Variants in WWOX observed in about 807,000 individuals in gnomAD.
The protein encoded by WWOX is WW domain-containing oxidoreductase.
Under a neutral mutation model 46.2 loss-of-function variants are expected in WWOX, and 69 were observed. The ratio of observed to expected loss-of-function variants is 1.49; its 90% CI spans 1.23 to 1.82. The LOEUF (loss-of-function observed/expected upper bound fraction) is 1.82. Among genes scored for constraint, WWOX ranks in the 40% most tolerant of loss-of-function variants. The pLI is 0.00. For missense variants in WWOX, 919 were observed against 542.6 expected (o/e 1.69, Z -6.89); for synonymous variants, 359 against 202.6 (o/e 1.77, Z -6.56).
intron 6 of WWOX, among the ~76,000 whole-genome samples, chr16:78,389,791 C>T (rs1486300433): frequency 6.6e-6 from 1 of 152,086 alleles, no homozygotes; most frequent in African/African-American, 2.4e-5. Flanking sequence ...CGCTGTGTTG[C>T]CCAGGCTGAA....
At chr16:78,671,630 C>T (rs1236720147) in intron 8 of WWOX, among the ~76,000 whole-genome samples, 2 of 152,104 alleles carry the variant, frequency 1.3e-5, no homozygotes, top group Non-Finnish European at 2.9e-5. Context: ...GATTCCCTAT[C>T]TCATTTGGAG....
intron 8 of WWOX, among the ~76,000 whole-genome samples, chr16:79,047,472 C>T (rs1247180622): frequency 1.3e-5 from 2 of 152,090 alleles, no homozygotes; most frequent in African/African-American, 4.8e-5. Context: ...TTTATGAAAG[C>T]CTGGCATATA....
At chr16:78,748,952 C>T (rs1368393360) in intron 8 of WWOX, among the ~76,000 whole-genome samples, 2 of 152,172 alleles carry the variant, frequency 1.3e-5, no homozygotes, top group South Asian at 4.1e-4. Flanking sequence ...TCTTTATGCC[C>T]GTAGGGCCGT....
chr16:78,866,670 C>A (rs191545565), intron 8 of WWOX, among the ~76,000 whole-genome samples: 3 of 152,316 alleles, frequency 2.0e-5, no homozygotes, highest in African/African-American at 7.2e-5. Context: ...TGGCTTGCAA[C>A]GTAGCCTGAT....
At chr16:78,199,942 C>T (rs2036181537) in intron 5 of WWOX, among the ~76,000 whole-genome samples, 1 of 152,172 alleles carries the variant, frequency 6.6e-6, no homozygotes, top group South Asian at 2.1e-4. Context: ...GAGCCATTTC[C>T]TAGTAGGAAA....
At chr16:78,626,405 A>C (rs1013473334) in intron 8 of WWOX, among the ~76,000 whole-genome samples, 1 of 152,064 alleles carries the variant, frequency 6.6e-6, no homozygotes, top group East Asian at 1.9e-4. Flanking sequence ...AGCTTTGAGG[A>C]GTGCTGGTTG....
chr16:78,204,668 G>A (rs528174168), intron 5 of WWOX, among the ~76,000 whole-genome samples: 54 of 152,298 alleles, frequency 3.5e-4, no homozygotes, highest in African/African-American at 1.2e-3. Context: ...CATAGTAGGT[G>A]CATTCTGTTG....
intron 8 of WWOX, among the ~76,000 whole-genome samples, chr16:78,910,257 C>T (rs1036250351): frequency 6.7e-6 from 1 of 150,122 alleles, no homozygotes; most frequent in South Asian, 2.1e-4. Flanking sequence ...AGGTGGATTC[C>T]CTGCTTTCTC....
At chr16:79,205,025 C>G (rs867006964) in intron 8 of WWOX, 1 of 152,156 alleles carries the variant, frequency 6.6e-6, no homozygotes, top group Non-Finnish European at 1.5e-5. Context: ...TTCCTTCTAG[C>G]CAGACTCGGA....
intron 8 of WWOX, among the ~76,000 whole-genome samples, chr16:79,049,414 C>A (rs1024337884): frequency 6.6e-6 from 1 of 152,134 alleles, no homozygotes; most frequent in Non-Finnish European, 1.5e-5. Flanking sequence ...AGTTGTAGGA[C>A]GCAAAACCTT....
At chr16:78,725,839 G>C (rs545720054) in intron 8 of WWOX, among the ~76,000 whole-genome samples, 1 of 152,004 alleles carries the variant, frequency 6.6e-6, no homozygotes, top group Admixed American at 6.5e-5. Context: ...TCCTTGGCTT[G>C]TAGGTGCATC....
intron 6 of WWOX, among the ~76,000 whole-genome samples, chr16:78,416,800 C>G (rs1381964842): frequency 6.6e-6 from 1 of 152,224 alleles, no homozygotes; most frequent in East Asian, 1.9e-4. Flanking sequence ...TAACAATTAT[C>G]TAAGCTGGCA....
At chr16:78,782,318 T>C (rs910907916) in intron 8 of WWOX, among the ~76,000 whole-genome samples, 2 of 152,162 alleles carry the variant, frequency 1.3e-5, no homozygotes, top group African/African-American at 4.8e-5. Context: ...TCTTGCTCCC[T>C]CTCCATCCTC....
At chr16:78,471,879 T>A (rs1234342266) in intron 8 of WWOX, among the ~76,000 whole-genome samples, 2 of 152,218 alleles carry the variant, frequency 1.3e-5, no homozygotes, top group East Asian at 1.9e-4. Flanking sequence ...ATTTGCAATT[T>A]TTTTTTCTAT....
chr16:78,651,471 T>G (rs1331440222), intron 8 of WWOX, among the ~76,000 whole-genome samples: 1 of 152,214 alleles, frequency 6.6e-6, no homozygotes, highest in Non-Finnish European at 1.5e-5. Context: ...CCTGGAAGTG[T>G]GAGCAGATTG....
intron 4 of WWOX, chr16:78,123,145 C>G (rs2033178320): frequency 1.3e-5 from 2 of 152,018 alleles, no homozygotes; most frequent in Non-Finnish European, 2.9e-5. Flanking sequence ...AAGACTGTTA[C>G]TAGTGTCGTG....
chr16:78,975,511 C>G (rs1012883662), intron 8 of WWOX, among the ~76,000 whole-genome samples: 4 of 151,424 alleles, frequency 2.6e-5, no homozygotes, highest in Non-Finnish European at 4.4e-5. Flanking sequence ...TGAGATACGA[C>G]TTTCCTAATG....
intron 8 of WWOX, among the ~76,000 whole-genome samples, chr16:78,677,583 A>G (rs950697696): frequency 7.2e-5 from 11 of 152,150 alleles, no homozygotes; most frequent in Non-Finnish European, 1.5e-4. Context: ...CAACCCCCAA[A>G]ACTCCATGTT....
chr16:78,929,425 G>C (rs963052189), intron 8 of WWOX, among the ~76,000 whole-genome samples: 1 of 152,042 alleles, frequency 6.6e-6, no homozygotes, highest in Non-Finnish European at 1.5e-5. Flanking sequence ...GAATAGGAAA[G>C]AAGGATTTTG....
Sources: gnomAD v4.1 joint callset for allele counts (sites outside exome capture counted in the v4.1 genomes callset) on GRCh38, gnomAD v4.1.1 for gene constraint, MANE v1.5 for transcripts, NCBI Gene and HGNC (gene_info 2026-07-23, HGNC 2026-07-21) for gene names.